ZNF236: variants seen among roughly 807,000 people sequenced by gnomAD.
ZNF236 encodes the protein regulated by glucose.
ZNF236 carries 50 observed loss-of-function variants against 191.2 expected under a neutral mutation model. The observed-to-expected ratio is 0.26, with a 90% CI of 0.21 to 0.33. ZNF236 has a LOEUF of 0.33. ZNF236 is among the 10% of genes least tolerant of loss of function. ZNF236 has a pLI of 1.00. For missense variants in ZNF236, 1,754 were observed against 2,374.5 expected, an observed-to-expected ratio of 0.74 and a Z score of 5.43; for synonymous variants, 907 against 928.8, an observed-to-expected ratio of 0.98 and a Z score of 0.43.
chr18:76,832,504 A>G (rs1975200943), intron 1 of ZNF236, among the ~76,000 whole-genome samples: 2 of 149,462 alleles, frequency 1.3e-5, no homozygotes, highest in Non-Finnish European at 3.0e-5. Flanking sequence ...TGGAAATACC[A>G]TTTTTGTCTT....
chr18:76,878,626 C>T (rs1291934722), intron 7 of ZNF236, among the ~76,000 whole-genome samples: 1 of 151,978 alleles, frequency 6.6e-6, no homozygotes, highest in Non-Finnish European at 1.5e-5. Flanking sequence ...TGCGCACACA[C>T]ACACACACAC....
intron 9 of ZNF236, among the ~76,000 whole-genome samples, chr18:76,890,065 A>G (rs972318237): frequency 6.6e-6 from 1 of 152,240 alleles, no homozygotes; most frequent in African/African-American, 2.4e-5. Context: ...GTGTAGCTGC[A>G]TCATTTCACA....
chr18:76,828,258 C>T (rs1568183298), intron 1 of ZNF236, among the ~76,000 whole-genome samples: 4 of 151,946 alleles, frequency 2.6e-5, no homozygotes, highest in South Asian at 4.2e-4. Flanking sequence ...CCTCCGCCTC[C>T]CAGGTTCAAG....
intron 21 of ZNF236, among the ~76,000 whole-genome samples, chr18:76,924,196 C>T (rs996491235): frequency 2.3e-4 from 35 of 152,122 alleles, no homozygotes; most frequent in African/African-American, 8.5e-4. Context: ...ATGCAGTGAA[C>T]TTTTTGTGGA....
At chr18:76,928,133 T>C in intron 25 of ZNF236, 27 bp downstream of exon 25, 1 of 1,581,692 alleles carries the variant, frequency 6.3e-7, no homozygotes, top group Non-Finnish European at 8.6e-7. Context: ...TTTAAACATC[T>C]TTTCACCCTG....
rs1358606027 is a variant in ZNF236 at position 76,927,294 on chromosome 18, GCAGCAGACGCTA to G, written c.4198_4209del (p.Thr1400_Gln1403del). 1.2e-6 allele frequency: 2 copies of G among 1,614,034 alleles called. No homozygotes were observed. The highest frequency in any genetic ancestry group is 3.3e-5 in the Admixed American group (2 of 60,004). On this transcript the variant is annotated inframe_deletion, in exon 24 of 31. Transcript: ENST00000320610. This position sits in a 1 kb window ranked among gnomAD's most constrained non-coding sequence, Gnocchi z 5.4. Reference sequence around the variant, plus strand: ...CTTTTCAGATTGATCCAAGCATTCTGCAGCAGACGCTACAGCAGGGCAACCTATTGGCTCAGC... The same window carrying G: ...CTTTTCAGATTGATCCAAGCATTCTGCAGCAGGGCAACCTATTGGCTCAGC...
intron 27 of ZNF236, among the ~76,000 whole-genome samples, chr18:76,948,086 G>A (rs528226636): frequency 3.2e-4 from 48 of 152,166 alleles, no homozygotes; most frequent in Admixed American, 7.9e-4. Flanking sequence ...GTGCGCGCGC[G>A]TGTGTTCAAG....
rs377374101 is a variant in ZNF236, at chr18:76,851,912, G to T, written c.336G>T (p.Ala112=). 6 of 1,610,914 alleles carry T rather than the reference G, an allele frequency of 3.7e-6. No individual in the cohort carries two copies. Among genetic ancestry groups the T allele is most frequent in the African/African-American group, 1.3e-5 (1 of 74,784 alleles). The change falls in exon 3 of 31, where the codon GCG becomes GCT. Residue 112 remains alanine (A), a synonymous_variant. Transcript: ENST00000320610. ...TCTCCAGAGTGGCTAGTCTCAAAGC[G>T]CATATTATGCTACATGAAAAGGAAG... ...KKFSRVASLK[A]HIMLHEKEEN...
chr18:76,920,041 A>G lies in ZNF236; in HGVS notation c.3540A>G (p.Lys1180=), dbSNP rs749156143. 21 of 1,611,804 alleles carry G rather than the reference A, an allele frequency of 1.3e-5. No homozygotes were observed. The South Asian group carries it at 2.1e-4, about 16-fold the overall frequency. ...CATACTGCCCCAAGAGCTTCAAGAAACCTAGCGACCTGGTGAGGTGAGGGC... is the reference window on the plus strand; with the variant it reads ...CATACTGCCCCAAGAGCTTCAAGAAGCCTAGCGACCTGGTGAGGTGAGGGC... ...CCTYCPKSFK[K]PSDLVRHVRI... The change falls in exon 20 of 31, where the codon AAA becomes AAG. Residue 1180 remains lysine, a synonymous_variant. Transcript: ENST00000320610.
chr18:76,837,946 GGATA>G (rs1243482573), intron 1 of ZNF236, among the ~76,000 whole-genome samples: 3 of 152,206 alleles, frequency 2.0e-5, no homozygotes, highest in Non-Finnish European at 4.4e-5. Context: ...ACATTAAAAT[GGATA>G]GATAGCCATT....
chr18:76,957,403 C>T (rs952548187), intron 28 of ZNF236, among the ~76,000 whole-genome samples: 4 of 152,256 alleles, frequency 2.6e-5, no homozygotes, highest in Non-Finnish European at 5.9e-5. Context: ...GTGGTGCTTG[C>T]GGTGGCTCCT....
intron 3 of ZNF236, among the ~76,000 whole-genome samples, chr18:76,864,530 C>T (rs891170594): frequency 2.6e-5 from 4 of 151,960 alleles, no homozygotes; most frequent in Admixed American, 6.6e-5. Flanking sequence ...TACACACACA[C>T]GCACATGTGT....
chr18:76,900,475 CAG>C (rs1288105309), intron 11 of ZNF236, among the ~76,000 whole-genome samples: 1 of 152,110 alleles, frequency 6.6e-6, no homozygotes, highest in East Asian at 1.9e-4. Flanking sequence ...ATGCATGAAA[CAG>C]AAGTTGATCA....
intron 18 of ZNF236, among the ~76,000 whole-genome samples, chr18:76,915,269 T>C (rs1354299366): frequency 3.3e-5 from 5 of 152,136 alleles, no homozygotes; most frequent in South Asian, 2.1e-4. Flanking sequence ...AAAAGATGGA[T>C]TGGAGAAAAC....
rs1054068814 is a variant in ZNF236 at position 76,968,248 on chromosome 18, AGGAC to A, written c.5456_5459del (p.Asp1819GlyfsTer4). On this transcript the variant is annotated frameshift_variant, in exon 31 of 31. Coordinates refer to ENST00000320610, the MANE Select transcript of ZNF236 (RefSeq NM_001306089.2). LOFTEE classifies it high-confidence loss of function. ...CAGGAGTCTGCAGGTCACCCGGAGC[AGGAC>A]GGGGAGGAGCTGAGCCGGACCCTCC... 1.9e-6 allele frequency: 3 copies of A among 1,612,910 alleles called. No homozygotes were observed. The highest frequency in any genetic ancestry group is 1.7e-6 in the Non-Finnish European group (2 of 1,179,742).
intron 26 of ZNF236, among the ~76,000 whole-genome samples, chr18:76,946,836 T>TA (rs1968274321): frequency 6.6e-6 from 1 of 152,220 alleles, no homozygotes; most frequent in Non-Finnish European, 1.5e-5. Context: ...TCTAAGCAAA[T>TA]AAGTGTTTTT....
chr18:76,905,061 ATGAAG>A, intron 12 of ZNF236, 89 bp from the exon 13 acceptor site: 2 of 1,287,904 alleles, frequency 1.6e-6, no homozygotes, highest in Non-Finnish European at 2.1e-6. Context: ...AAATGTGATG[ATGAAG>A]TGAAGCGAAA....
intron 27 of ZNF236, among the ~76,000 whole-genome samples, chr18:76,951,363 G>A (rs1347744874): frequency 1.3e-5 from 2 of 152,206 alleles, no homozygotes; most frequent in Non-Finnish European, 2.9e-5. Context: ...CTCTTGGCTA[G>A]ATGTTCTGGA....
chr18:76,894,146 G>T (rs940423949), intron 9 of ZNF236, among the ~76,000 whole-genome samples: 1 of 152,114 alleles, frequency 6.6e-6, no homozygotes, highest in Non-Finnish European at 1.5e-5. Context: ...TAAAAATAAG[G>T]TGATTCTAAG....
Sources: gnomAD v4.1 joint callset for allele counts (sites outside exome capture counted in the v4.1 genomes callset) on GRCh38, gnomAD v4.1.1 for gene constraint, Gnocchi (gnomAD v3.1) non-coding constraint, MANE v1.5 for transcripts, NCBI Gene and HGNC (gene_info 2026-07-23, HGNC 2026-07-21) for gene names.